TAFA5: variants seen among roughly 807,000 people sequenced by gnomAD.
TAFA5 encodes TAFA chemokine like family member 5.
In TAFA5, 6 loss-of-function variants were observed where a neutral mutation model predicts 15.3. The observed-to-expected ratio is 0.39, with a 90% CI of 0.21 to 0.77. TAFA5 has a LOEUF of 0.77. Ranked by LOEUF, TAFA5 falls within the 30% of genes least tolerant of loss-of-function variation. TAFA5 has a pLI of 0.41. For synonymous variants in TAFA5, 103 were observed against 80.7 expected, an observed-to-expected ratio of 1.28 and a Z score of -1.48; for missense variants, 161 against 193.1, an observed-to-expected ratio of 0.83 and a Z score of 0.98.
chr22:48,626,310 C>T (rs1252617137), intron 1 of TAFA5, among the ~76,000 whole-genome samples: 2 of 152,184 alleles, frequency 1.3e-5, no homozygotes, highest in Non-Finnish European at 2.9e-5. Flanking sequence ...GGACCCCCGC[C>T]GGCCGTGAAG....
intron 1 of TAFA5, among the ~76,000 whole-genome samples, chr22:48,605,405 G>A (rs1383648749): frequency 2.0e-5 from 3 of 150,464 alleles, no homozygotes; most frequent in Admixed American, 6.6e-5. Context: ...GGTAATGATG[G>A]TGGTGATGGT....
chr22:48,748,794 C>G (rs1485328447), intron 3 of TAFA5, among the ~76,000 whole-genome samples: 1 of 152,214 alleles, frequency 6.6e-6, no homozygotes, highest in African/African-American at 2.4e-5. Flanking sequence ...AGACCCTCAT[C>G]ATCACCGCCC....
At chr22:48,580,998 C>A (rs1050783480) in intron 1 of TAFA5, among the ~76,000 whole-genome samples, 1 of 152,184 alleles carries the variant, frequency 6.6e-6, no homozygotes, top group East Asian at 1.9e-4. Flanking sequence ...CTCCAGCAGA[C>A]GCTGTTTGCA....
chr22:48,665,298 A>G (rs1255393206), intron 2 of TAFA5, among the ~76,000 whole-genome samples: 5 of 152,108 alleles, frequency 3.3e-5, no homozygotes, highest in African/African-American at 9.7e-5. Flanking sequence ...AGCTCTTCCT[A>G]TATGCTCCAT....
intron 1 of TAFA5, among the ~76,000 whole-genome samples, chr22:48,596,919 C>T (rs1924785518): frequency 1.3e-5 from 2 of 152,186 alleles, no homozygotes; most frequent in South Asian, 4.1e-4. Flanking sequence ...CTGATCCTCT[C>T]GCTCAAGCCT....
chr22:48,631,620 G>A (rs1015060630), intron 1 of TAFA5, among the ~76,000 whole-genome samples: 1 of 152,202 alleles, frequency 6.6e-6, no homozygotes, highest in African/African-American at 2.4e-5. Context: ...CCGGCCTCCC[G>A]AGCCCCGTGT....
chr22:48,649,112 G>A (rs1270335028), intron 2 of TAFA5, among the ~76,000 whole-genome samples: 2 of 152,226 alleles, frequency 1.3e-5, no homozygotes, highest in African/African-American at 4.8e-5. Context: ...GGAAGAAGGG[G>A]AAGGGGCCGC....
intron 1 of TAFA5, among the ~76,000 whole-genome samples, chr22:48,531,686 TGTCA>T (rs1921978809): frequency 6.6e-6 from 1 of 152,200 alleles, no homozygotes; most frequent in Non-Finnish European, 1.5e-5. Flanking sequence ...CCTGCTGAGC[TGTCA>T]GTCTCGCGCC....
At chr22:48,682,677 G>T (rs1272995036) in intron 2 of TAFA5, among the ~76,000 whole-genome samples, 1 of 152,234 alleles carries the variant, frequency 6.6e-6, no homozygotes, top group South Asian at 2.1e-4. Flanking sequence ...CATTGTCGCT[G>T]TATTGACAAA....
At chr22:48,621,047 T>A (rs1189073236) in intron 1 of TAFA5, among the ~76,000 whole-genome samples, 66 of 12,762 alleles carry the variant, frequency 5.2e-3, no homozygotes, top group East Asian at 8.5e-3. Context: ...CTCCCACCCA[T>A]CCACCCACCA....
chr22:48,603,857 C>A (rs754033786), intron 1 of TAFA5, among the ~76,000 whole-genome samples: 1 of 152,166 alleles, frequency 6.6e-6, no homozygotes. Context: ...GCTGGAGGAC[C>A]CTGGCTCCCA....
At chr22:48,653,183 G>A (rs1407449862) in intron 2 of TAFA5, among the ~76,000 whole-genome samples, 2 of 152,212 alleles carry the variant, frequency 1.3e-5, no homozygotes, top group African/African-American at 4.8e-5. Flanking sequence ...GGCGCCTGGG[G>A]GCTGTTGGCG....
intron 1 of TAFA5, among the ~76,000 whole-genome samples, chr22:48,626,035 A>T (rs1353779035): frequency 2.0e-5 from 3 of 152,160 alleles, no homozygotes; most frequent in African/African-American, 7.2e-5. Context: ...GCATCTTGTT[A>T]TCCCCGAGTA....
chr22:48,552,422 T>C lies in TAFA5; in HGVS notation c.112+62718T>C, dbSNP rs192506273. Among the ~76,000 whole-genome samples the C allele has an allele frequency of 2.1e-3, 327 of 152,248 alleles. No individual in the cohort carries two copies. Among genetic ancestry groups the C allele is most frequent in the African/African-American group, 7.5e-3 (310 of 41,540 alleles). On this transcript the variant is annotated intron_variant, in intron 1 of 3. Transcript: ENST00000402357. This position sits in a 1 kb window ranked among gnomAD's most constrained non-coding sequence, Gnocchi z 4.1. ...TCCCTCTGCTGATGTAGCTGCTGGC[T>C]GACTCTGTCAGCGCTGCCTGCTGTG...
chr22:48,541,454 T>G (rs958398716), intron 1 of TAFA5, among the ~76,000 whole-genome samples: 1 of 152,134 alleles, frequency 6.6e-6, no homozygotes, highest in Non-Finnish European at 1.5e-5. Context: ...TGAAGGGCAT[T>G]GTTTCATTCT....
rs79035830 is a variant in TAFA5, at chr22:48,751,658, T to C, written c.*1811T>C. ...TGTATCCTGGACTAAAAGAAGGGGC[T>C]GAGGTTGGGTTTGTCATCACAGAGG... is the stretch of plus-strand genomic sequence containing the variant. On this transcript the variant is annotated 3_prime_UTR_variant, in exon 4 of 4. Transcript: ENST00000402357. 548 of 152,460 alleles carry C rather than the reference T, an allele frequency of 3.6e-3. 7 individuals carry two copies. Among genetic ancestry groups the C allele is most frequent in the East Asian group, 0.026 (133 of 5,156 alleles). The allele number at this position is 152,460 out of a possible 1,614,324, so 9.4% of individuals were successfully genotyped here. A position where few individuals can be genotyped will look rare whatever the true frequency, so the allele number is the denominator to read the frequency against.
chr22:48,574,105 A>C (rs1923677898), intron 1 of TAFA5, among the ~76,000 whole-genome samples: 1 of 152,176 alleles, frequency 6.6e-6, no homozygotes, highest in Non-Finnish European at 1.5e-5. Context: ...GGTGGAGAGC[A>C]GGAAACAGTG....
intron 2 of TAFA5, among the ~76,000 whole-genome samples, chr22:48,667,478 A>C (rs181024699): frequency 6.6e-6 from 1 of 152,154 alleles, no homozygotes; most frequent in African/African-American, 2.4e-5. Context: ...CGGTTCTGAC[A>C]TGGGTATTGC....
rs1277394980 is a variant in TAFA5, at chr22:48,598,032, G to A, written c.113-48565G>A. ...GGACTTCGAGAGAGCGAGAGGGAGCGAGGTTTCCCTTTTTAAAAATAAGCT... is the reference window on the plus strand; with the variant it reads ...GGACTTCGAGAGAGCGAGAGGGAGCAAGGTTTCCCTTTTTAAAAATAAGCT... On this transcript the variant is annotated intron_variant, in intron 1 of 3. Coordinates refer to ENST00000402357, the MANE Select transcript of TAFA5 (RefSeq NM_001082967.3). The surrounding 1 kb of genome is among the most constrained non-coding windows in gnomAD (Gnocchi z 4.0). 6.6e-6 allele frequency among the ~76,000 whole-genome samples: 1 copy of A among 152,198 alleles called. No homozygotes were observed. The highest frequency in any genetic ancestry group is 2.4e-5 in the African/African-American group (1 of 41,450).
Sources: gnomAD v4.1 joint callset for allele counts (sites outside exome capture counted in the v4.1 genomes callset) on GRCh38, gnomAD v4.1.1 for gene constraint, Gnocchi (gnomAD v3.1) non-coding constraint, MANE v1.5 for transcripts, NCBI Gene and HGNC (gene_info 2026-07-23, HGNC 2026-07-21) for gene names.